ZSCAN22: variants seen among roughly 807,000 people sequenced by gnomAD.
ZSCAN22 encodes zinc finger and SCAN domain containing 22.
ZSCAN22 carries 7 observed loss-of-function variants against 12.4 expected under a neutral mutation model. That is an observed-to-expected ratio of 0.57 (90% CI 0.32 to 1.06). The LOEUF is 1.06. ZSCAN22 is among the 50% of genes least tolerant of loss of function. ZSCAN22 has a pLI of 0.04. For synonymous variants in ZSCAN22, 243 were observed against 255.9 expected (o/e 0.95, Z 0.48); for missense variants, 576 against 631.7 (o/e 0.91, Z 0.94).
Position 58,335,650 on chromosome 19 carries a change from T to G in ZSCAN22, c.403+445T>G, listed in dbSNP as rs1195937813. On this transcript the variant is annotated intron_variant, in intron 2 of 2. Coordinates refer to ENST00000329665, the MANE Select transcript of ZSCAN22 (RefSeq NM_181846.3). This position sits in a 1 kb window ranked among gnomAD's most constrained non-coding sequence, Gnocchi z 4.1. ...CTGGTCTGAGCCCCCACTGGCCTGG[T>G]TGGGATCTTATGTTTGTGTTTGGCC... Among the ~76,000 whole-genome samples, 1 of 152,204 alleles carries G rather than the reference T, an allele frequency of 6.6e-6. No homozygotes were observed. The highest frequency in any genetic ancestry group is 1.9e-4 in the East Asian group (1 of 5,198).
intron 1 of ZSCAN22, among the ~76,000 whole-genome samples, chr19:58,327,979 T>A (rs2051675896): frequency 6.6e-6 from 1 of 152,042 alleles, no homozygotes; most frequent in South Asian, 2.1e-4. Flanking sequence ...GCCTCCCGAG[T>A]AGCTGGGATT....
intron 1 of ZSCAN22, among the ~76,000 whole-genome samples, chr19:58,327,439 AC>A (rs2051666978): frequency 6.6e-6 from 1 of 152,120 alleles, no homozygotes; most frequent in South Asian, 2.1e-4. Flanking sequence ...TGTCGGACTG[AC>A]GGAGTGTGTG....
intron 1 of ZSCAN22, among the ~76,000 whole-genome samples, chr19:58,328,427 G>A (rs900685552): frequency 2.0e-5 from 3 of 152,172 alleles, no homozygotes; most frequent in South Asian, 2.1e-4. Flanking sequence ...GTTTGCTTAC[G>A]TGTAGCAGGG....
chr19:58,332,213 A>G (rs1247354274), intron 1 of ZSCAN22, among the ~76,000 whole-genome samples: 2 of 146,920 alleles, frequency 1.4e-5, no homozygotes, highest in Non-Finnish European at 3.0e-5. Context: ...TCCCAAACCT[A>G]TTAGCAACCA....
intron 1 of ZSCAN22, among the ~76,000 whole-genome samples, chr19:58,333,650 C>A (rs989463771): frequency 2.0e-5 from 3 of 152,198 alleles, no homozygotes; most frequent in African/African-American, 7.2e-5. Flanking sequence ...TCGAGACCAG[C>A]CCCGCCAACA....
intron 2 of ZSCAN22, among the ~76,000 whole-genome samples, chr19:58,336,956 G>T (rs1183567069): frequency 6.6e-6 from 1 of 152,192 alleles, no homozygotes; most frequent in East Asian, 1.9e-4. Context: ...TGAGCAGTGG[G>T]TATTCCACCT....
chr19:58,334,943 T>C lies in ZSCAN22; in HGVS notation c.141T>C (p.Ala47=). Residue 47 remains alanine (A), a synonymous_variant, in exon 2 of 3, where the codon GCT becomes GCC. Coordinates refer to ENST00000329665, the MANE Select transcript of ZSCAN22 (RefSeq NM_181846.3). The stretch of plus-strand genomic sequence containing the variant: ...ATGACCACATTGCTCACTCTGAGGC[T>C]GCACGCCTGCGCTTCCGGCACTTCC... ...SSHDHIAHSE[A]ARLRFRHFRY... 1 of 1,614,134 alleles carries C rather than the reference T, an allele frequency of 6.2e-7. No homozygotes were observed. Among genetic ancestry groups the C allele is most frequent in the Non-Finnish European group, 8.5e-7 (1 of 1,180,030 alleles).
At chr19:58,328,085 A>G (rs2051677554) in intron 1 of ZSCAN22, among the ~76,000 whole-genome samples, 1 of 152,188 alleles carries the variant, frequency 6.6e-6, no homozygotes. Flanking sequence ...TCCTGACCTC[A>G]GGTGATCCAC....
In ZSCAN22 at chr19:58,341,793, C is replaced by T. The variant is rs2051879152; in HGVS notation, c.*2467C>T. ...TGGAGGGAACAGAAAAGGCATGGGC[C>T]TGAATTCAGGCTGCAGAGCCTGACT... is the stretch of plus-strand genomic sequence containing the variant. On this transcript the variant is annotated 3_prime_UTR_variant, in exon 3 of 3. Transcript: ENST00000329665. 6.6e-6 allele frequency: 1 copy of T among 152,236 alleles called. No homozygotes were observed. Among genetic ancestry groups the T allele is most frequent in the South Asian group, 2.1e-4 (1 of 4,836 alleles). 9.4% of individuals were successfully genotyped at this position (152,236 alleles called of 1,614,324 possible).
chr19:58,342,095 G>T lies in ZSCAN22; in HGVS notation c.*2769G>T, dbSNP rs1240933713. 1 of 152,206 alleles carries T rather than the reference G, an allele frequency of 6.6e-6. No homozygotes were observed. The highest frequency in any genetic ancestry group is 1.5e-5 in the Non-Finnish European group (1 of 68,066). The allele number at this position is 152,206 out of a possible 1,614,324, so 9.4% of individuals were successfully genotyped here. ...CATATCTGTCCATGTCTGTCTAAAA[G>T]GGGAGGAGATGAGGGAGAAAAAAGG... On this transcript the variant is annotated 3_prime_UTR_variant, in exon 3 of 3. Transcript: ENST00000329665.
chr19:58,334,358 G>A (rs1055343508), intron 1 of ZSCAN22, among the ~76,000 whole-genome samples: 5 of 152,022 alleles, frequency 3.3e-5, no homozygotes, highest in Non-Finnish European at 7.4e-5. Context: ...GTTCTGTTGC[G>A]CAGGCTGGAG....
At position 58,329,235 on chromosome 19, in the gene ZSCAN22, G is replaced by A. The variant is rs546761826; in HGVS notation, c.-52+2121G>A. 2.6e-4 allele frequency among the ~76,000 whole-genome samples: 40 copies of A among 152,310 alleles called. No individual in the cohort carries two copies. Among genetic ancestry groups the A allele is most frequent in the African/African-American group, 7.7e-4 (32 of 41,546 alleles). Reference sequence around the variant, plus strand: ...ACCAGCGGTCACCAAAAGGTTTCAGGATTGGGGTCTTGTTTTAGAGTAACG... The same window carrying A: ...ACCAGCGGTCACCAAAAGGTTTCAGAATTGGGGTCTTGTTTTAGAGTAACG... On this transcript the variant is annotated intron_variant, in intron 1 of 2. Coordinates refer to ENST00000329665, the MANE Select transcript of ZSCAN22 (RefSeq NM_181846.3). The surrounding 1 kb of genome is among the most constrained non-coding windows in gnomAD (Gnocchi z 4.1).
In ZSCAN22 at chr19:58,339,322, A is replaced by G; in HGVS notation, c.1472A>G (p.Gln491Arg). 6.3e-7 allele frequency: 1 copy of G among 1,597,414 alleles called. No individual in the cohort carries two copies. The change falls in exon 3 of 3, where the codon CAA (glutamine) becomes CGA (arginine). Residue 491 changes from glutamine to arginine, a missense_variant. Gln to Arg is a conservative substitution (Grantham distance 43). Transcript: ENST00000329665. This position sits in a 1 kb window ranked among gnomAD's most constrained non-coding sequence, Gnocchi z 5.6. ...TTGCGGATCCACATCACGGTGCTGC[A>G]ATGACCGGAAGTCGCCCCTGGGGGC... Reference protein sequence around the residue: ...VHLRIHITVLQ With the variant: ...VHLRIHITVLR
At position 58,334,832 on chromosome 19, in the gene ZSCAN22, A is replaced by C; in HGVS notation, c.30A>C (p.Pro10=). MAIPKHSLS[P]VPWEEDSFLQ... ...CCATCCCCAAGCACTCCCTGAGCCC[A>C]GTGCCGTGGGAAGAGGACAGCTTCC... Residue 10 remains proline (P), a synonymous_variant, in exon 2 of 3, where the codon CCA becomes CCC. Transcript: ENST00000329665. 1 of 1,611,718 alleles carries C rather than the reference A, an allele frequency of 6.2e-7. No individual in the cohort carries two copies. The highest frequency in any genetic ancestry group is 8.5e-7 in the Non-Finnish European group (1 of 1,178,650).
Position 58,339,633 on chromosome 19 carries a change from G to T in ZSCAN22, c.*307G>T. 1 of 311,458 alleles carries T rather than the reference G, an allele frequency of 3.2e-6. No homozygotes were observed. The highest frequency in any genetic ancestry group is 8.4e-5 in the South Asian group (1 of 11,928). The allele number at this position is 311,458 out of a possible 1,614,324, so 19.3% of individuals were successfully genotyped here. A position where few individuals can be genotyped will look rare whatever the true frequency, so the allele number is the denominator to read the frequency against. ...AACTGAGGATTTAGACTGGTTCTGA[G>T]GGCCAGGGCAAATGAAGGCGCATGT... On this transcript the variant is annotated 3_prime_UTR_variant, in exon 3 of 3. Coordinates refer to ENST00000329665, the MANE Select transcript of ZSCAN22 (RefSeq NM_181846.3). This position sits in a 1 kb window ranked among gnomAD's most constrained non-coding sequence, Gnocchi z 5.6.
chr19:58,337,371 A>G (rs1444774637), intron 2 of ZSCAN22, among the ~76,000 whole-genome samples: 1 of 151,760 alleles, frequency 6.6e-6, no homozygotes, highest in Non-Finnish European at 1.5e-5. Flanking sequence ...GCCTAGACGC[A>G]AGGCGTTGAG....
In ZSCAN22 at chr19:58,335,584, T is replaced by TA. The variant is rs1273748025; in HGVS notation, c.403+380dup. On this transcript the variant is annotated intron_variant, in intron 2 of 2. Coordinates refer to ENST00000329665, the MANE Select transcript of ZSCAN22 (RefSeq NM_181846.3). This position sits in a 1 kb window ranked among gnomAD's most constrained non-coding sequence, Gnocchi z 4.1. ...AGCCAGGAACCCCAGGCTTATGTCT[T>TA]ACCAATGTAGAAACCCCGGGGTAAT... 1.3e-5 allele frequency among the ~76,000 whole-genome samples: 2 copies of TA among 152,184 alleles called. No individual in the cohort carries two copies. The highest frequency in any genetic ancestry group is 4.8e-5 in the African/African-American group (2 of 41,448).
intron 1 of ZSCAN22, among the ~76,000 whole-genome samples, chr19:58,331,185 G>A (rs1227356922): frequency 6.6e-6 from 1 of 151,810 alleles, no homozygotes; most frequent in African/African-American, 2.4e-5. Flanking sequence ...CTTAAATAAG[G>A]GAGAGAACAC....
At chr19:58,332,251 T>C (rs2147984181) in intron 1 of ZSCAN22, among the ~76,000 whole-genome samples, 1 of 147,406 alleles carries the variant, frequency 6.8e-6, no homozygotes, top group South Asian at 2.2e-4. Flanking sequence ...CTTCAGCCTC[T>C]GACAAACACT....
Sources: allele counts gnomAD v4.1 joint callset (sites outside exome capture counted in the v4.1 genomes callset), GRCh38; gene constraint gnomAD v4.1.1; non-coding constraint Gnocchi (gnomAD v3.1); transcripts MANE v1.5; gene names NCBI Gene and HGNC (gene_info 2026-07-23, HGNC 2026-07-21).